Variants in ERAP1 observed in about 807,000 individuals in gnomAD.
ERAP1 encodes endoplasmic reticulum aminopeptidase 1.
In ERAP1, 86 loss-of-function variants were observed where a neutral mutation model predicts 103.7. The ratio of observed to expected loss-of-function variants is 0.83; its 90% confidence interval spans 0.70 to 0.99. The LOEUF (loss-of-function observed/expected upper bound fraction) is 0.99. Ranked by LOEUF, ERAP1 falls within the 50% of genes least tolerant of loss-of-function variation. The probability of loss-of-function intolerance (pLI) is 0.00; values close to 1 mark genes in which losing one functional copy is unlikely to be tolerated. For synonymous variants in ERAP1, 398 were observed against 402.4 expected (o/e 0.99, Z 0.13); for missense variants, 1,009 against 1,128.4 (o/e 0.89, Z 1.52).
the ERAP1 span, chr5:96,879,533 G>T: frequency 1.7e-6 from 1 of 575,716 alleles, no homozygotes; most frequent in South Asian, 2.7e-5. Flanking sequence ...AATCTTTTTT[G>T]TCATGCTATA....
In ERAP1 at chr5:96,776,080, G is replaced by T; in HGVS notation, c.*316C>A. 7.8e-7 allele frequency: 1 copy of T among 1,281,288 alleles called. No individual in the cohort carries two copies. The highest frequency in any genetic ancestry group is 1.0e-6 in the Non-Finnish European group (1 of 990,764). The allele number at this position is 1,281,288 out of a possible 1,614,324, so 79.4% of individuals were successfully genotyped here. A position where few individuals can be genotyped will look rare whatever the true frequency, so the allele number is the denominator to read the frequency against. On this transcript the variant is annotated 3_prime_UTR_variant, in exon 19 of 19. Transcript: ENST00000443439. ...ACAGTTTATGAATGATAAACATGGGGTACAGGGTTTTGGACACGGGTGCTT... is the reference window on the plus strand; with the variant it reads ...ACAGTTTATGAATGATAAACATGGGTTACAGGGTTTTGGACACGGGTGCTT...
At chr5:96,784,452 C>A (rs1775707400) in intron 13 of ERAP1, among the ~76,000 whole-genome samples, 1 of 152,004 alleles carries the variant, frequency 6.6e-6, no homozygotes, top group African/African-American at 2.4e-5. Flanking sequence ...CACTGCACTC[C>A]AGCCTGGGCG....
chr5:96,808,426 G>A (rs1465262598), upstream of ERAP1, among the ~76,000 whole-genome samples: 1 of 152,056 alleles, frequency 6.6e-6, no homozygotes, highest in East Asian at 1.9e-4. Flanking sequence ...GACTCGCTGG[G>A]TGTCCGTCAT....
chr5:96,801,074 A>G (rs977440805), intron 2 of ERAP1, 74 bp from the exon 3 acceptor site: 20 of 1,512,014 alleles, frequency 1.3e-5, no homozygotes, highest in Non-Finnish European at 1.5e-5. Context: ...TTGCTTTTTA[A>G]TTCCTAAAGT....
chr5:96,808,112 G>A, upstream of ERAP1: 4 of 985,904 alleles, frequency 4.1e-6, no homozygotes, highest in Non-Finnish European at 4.8e-6. Context: ...AATGAGCGCT[G>A]CACGCCGGGG....
upstream of ERAP1, among the ~76,000 whole-genome samples, chr5:96,811,781 A>C (rs919386203): frequency 1.3e-5 from 2 of 152,232 alleles, no homozygotes; most frequent in Non-Finnish European, 2.9e-5. Flanking sequence ...AGAACATTCT[A>C]GGTGCCACGA....
At chr5:96,798,871 CTTT>C (rs10646647) in intron 3 of ERAP1, among the ~76,000 whole-genome samples, 1 of 124,862 alleles carries the variant, frequency 8.0e-6, no homozygotes. Flanking sequence ...CAAAAATTTC[CTTT>C]TTTTTTTTTT....
chr5:96,862,641 T>G, the ERAP1 span, among the ~76,000 whole-genome samples: 2 of 152,210 alleles, frequency 1.3e-5, no homozygotes, highest in Admixed American at 6.6e-5. Context: ...TGGTTGACTT[T>G]TAGTAGCGAA....
chr5:96,779,106 G>C (rs559405886), intron 18 of ERAP1, among the ~76,000 whole-genome samples: 2 of 152,048 alleles, frequency 1.3e-5, no homozygotes, highest in African/African-American at 4.8e-5. Context: ...CACTCTCCTT[G>C]CCTTATTCAT....
the ERAP1 span, among the ~76,000 whole-genome samples, chr5:96,875,009 A>AAAT: frequency 6.6e-6 from 1 of 152,236 alleles, no homozygotes. Context: ...CCACACTAGG[A>AAAT]CTTGCCCCTC....
the ERAP1 span, among the ~76,000 whole-genome samples, chr5:96,875,587 A>G: frequency 6.6e-6 from 1 of 152,100 alleles, no homozygotes. Flanking sequence ...TTGGTAACAA[A>G]TTGGAGAGGG....
At chr5:96,902,377 G>A in the ERAP1 span, 2 of 1,454,302 alleles carry the variant, frequency 1.4e-6, no homozygotes, top group Non-Finnish European at 1.9e-6. Context: ...TAGCCAAACA[G>A]GTATTTCAAT....
chr5:96,834,224 C>T, the ERAP1 span, among the ~76,000 whole-genome samples: 1 of 152,198 alleles, frequency 6.6e-6, no homozygotes, highest in Non-Finnish European at 1.5e-5. Flanking sequence ...CCTTCTCCAA[C>T]AAATTAATTT....
the ERAP1 span, among the ~76,000 whole-genome samples, chr5:96,909,313 C>A: frequency 6.6e-6 from 1 of 152,186 alleles, no homozygotes; most frequent in Non-Finnish European, 1.5e-5. Flanking sequence ...GGATCATGTG[C>A]AAAACATCTC....
At chr5:96,865,930 C>A in the ERAP1 span, among the ~76,000 whole-genome samples, 1 of 152,166 alleles carries the variant, frequency 6.6e-6, no homozygotes, top group African/African-American at 2.4e-5. Context: ...GACATTACAC[C>A]CAGACTGACA....
At chr5:96,873,481 A>C in the ERAP1 span, 1 of 454,690 alleles carries the variant, frequency 2.2e-6, no homozygotes, top group Non-Finnish European at 4.4e-6. Context: ...AGCATGTGTT[A>C]CTTCCAAAGT....
At chr5:96,817,248 G>A in the ERAP1 span, among the ~76,000 whole-genome samples, 1 of 152,158 alleles carries the variant, frequency 6.6e-6, no homozygotes, top group Non-Finnish European at 1.5e-5. Flanking sequence ...AGAGAAGGGT[G>A]AGGAGTGGAC....
At chr5:96,838,274 G>A in the ERAP1 span, among the ~76,000 whole-genome samples, 5 of 152,122 alleles carry the variant, frequency 3.3e-5, no homozygotes, top group African/African-American at 1.2e-4. Flanking sequence ...CTGCCAATGT[G>A]CAGGTCCCAG....
chr5:96,865,309 G>A, the ERAP1 span, among the ~76,000 whole-genome samples: 1 of 152,140 alleles, frequency 6.6e-6, no homozygotes, highest in Admixed American at 6.5e-5. Context: ...ATTGGAAGGA[G>A]GTCCATTTCC....
Sources: gnomAD v4.1 joint callset for allele counts (sites outside exome capture counted in the v4.1 genomes callset) on GRCh38, gnomAD v4.1.1 for gene constraint, MANE v1.5 for transcripts, NCBI Gene and HGNC (gene_info 2026-07-23, HGNC 2026-07-21) for gene names.